SOX6: variants seen among roughly 807,000 people sequenced by gnomAD.
SOX6 encodes the protein transcription factor SOX-6.
SOX6 carries 11 observed loss-of-function variants against 97.8 expected under a neutral mutation model. The observed-to-expected ratio is 0.11, with a 90% CI of 0.07 to 0.19. SOX6 has a LOEUF of 0.19. SOX6 is among the 10% of genes least tolerant of loss of function. SOX6 has a pLI of 1.00. For missense variants in SOX6, 810 were observed against 1,039.5 expected, an observed-to-expected ratio of 0.78 and a Z score of 3.04; for synonymous variants, 360 against 371.4, an observed-to-expected ratio of 0.97 and a Z score of 0.35.
rs570454828 is a variant in SOX6 at position 16,466,999 on chromosome 11, C to G, written c.-5+9316G>C. Among the ~76,000 whole-genome samples, 10 of 148,498 alleles carry G rather than the reference C, an allele frequency of 6.7e-5. No homozygotes were observed. The South Asian group carries it at 1.9e-3, about 29-fold the overall frequency. On this transcript the variant is annotated intron_variant, in intron 1 of 15. Transcript: ENST00000396356. ...GCAAAGGACATGAACAGACACATCT[C>G]AAAAGAAAACGTACATGTGGCCAAC...
At chr11:16,413,512 CTTTT>C (rs752774148) in intron 1 of SOX6, among the ~76,000 whole-genome samples, 15 of 76,222 alleles carry the variant, frequency 2.0e-4, no homozygotes, top group African/African-American at 5.9e-4. Flanking sequence ...AAGACTTCTA[CTTTT>C]TTTTTTTTTT....
chr11:16,040,977 G>A (rs1373020265), intron 12 of SOX6, among the ~76,000 whole-genome samples: 1 of 152,072 alleles, frequency 6.6e-6, no homozygotes, highest in Non-Finnish European at 1.5e-5. Flanking sequence ...CTTTGCAAAT[G>A]AGAATTACAA....
chr11:16,562,618 C>T lies in SOX6; in HGVS notation n.609+49463G>A, dbSNP rs75510003. On this transcript the variant is annotated intron_variant and non_coding_transcript_variant, in intron 4 of 5. Coordinates refer to the SOX6 transcript ENST00000524520. ...TAATGAGGTACCCAATACCCACCCC[C>T]GGAAATGTCAAAGAAAACCAGGTAG... Among the ~76,000 whole-genome samples the T allele has an allele frequency of 8.5e-3, 1,301 of 152,206 alleles. 6 individuals carry two copies. Among genetic ancestry groups the T allele is most frequent in the Non-Finnish European group, 0.013 (908 of 67,986 alleles).
Position 16,212,092 on chromosome 11 carries a change from T to G in SOX6, c.535+22490A>C, listed in dbSNP as rs75463354. ...GGCTTTGGTACCCTCACCCATCCTG[T>G]GACAAGAAGTCAGAAAAAGGCCAAC... On this transcript the variant is annotated intron_variant, in intron 4 of 15. Transcript: ENST00000683767. Among the ~76,000 whole-genome samples, 66 of 152,276 alleles carry G rather than the reference T, an allele frequency of 4.3e-4. No individual in the cohort carries two copies. In the East Asian group the frequency reaches 9.8e-3, roughly 23 times the overall value.
chr11:16,514,771 C>T (rs537370265), intron 4 of SOX6, among the ~76,000 whole-genome samples: 7 of 146,664 alleles, frequency 4.8e-5, no homozygotes, highest in African/African-American at 1.8e-4. Flanking sequence ...TGTTCAATTG[C>T]CACCTATGAG....
In SOX6 at chr11:16,570,021, A is replaced by G. The variant is rs79879634; in HGVS notation, n.609+42060T>C. Among the ~76,000 whole-genome samples, 601 of 152,260 alleles carry G rather than the reference A, an allele frequency of 3.9e-3. 15 individuals carry two copies. In the East Asian group the frequency reaches 0.052, roughly 13 times the overall value. On this transcript the variant is annotated intron_variant and non_coding_transcript_variant, in intron 4 of 5. Coordinates refer to the SOX6 transcript ENST00000524520. ...ATGATATAAATTTGCAAACATAGCA[A>G]AGACAAAACTCACTCATTTTGAGAT...
intron 4 of SOX6, among the ~76,000 whole-genome samples, chr11:16,523,127 G>A (rs1445549003): frequency 6.6e-6 from 1 of 152,018 alleles, no homozygotes; most frequent in Non-Finnish European, 1.5e-5. Flanking sequence ...TGCACCAAGT[G>A]GACCTAATAG....
intron 12 of SOX6, among the ~76,000 whole-genome samples, chr11:16,044,969 T>G (rs1010563640): frequency 3.1e-5 from 3 of 96,152 alleles, no homozygotes; most frequent in African/African-American, 1.2e-4. Flanking sequence ...TCTATCTGTC[T>G]ATCTATCTAT....
intron 4 of SOX6, among the ~76,000 whole-genome samples, chr11:16,579,237 C>G (rs1460355235): frequency 6.6e-6 from 1 of 151,858 alleles, no homozygotes. Flanking sequence ...ATATTTTTCT[C>G]TTCTTTTAAA....
intron 4 of SOX6, among the ~76,000 whole-genome samples, chr11:16,189,505 T>C (rs1030350698): frequency 6.6e-6 from 1 of 151,974 alleles, no homozygotes; most frequent in Non-Finnish European, 1.5e-5. Context: ...TTAGTGAAAC[T>C]TGAGCAAGGA....
intron 1 of SOX6, among the ~76,000 whole-genome samples, chr11:16,342,611 A>C (rs764699037): frequency 1.2e-4 from 19 of 152,096 alleles, no homozygotes; most frequent in South Asian, 4.1e-4. Flanking sequence ...TATTGCAGTG[A>C]AGGAAATATC....
intron 4 of SOX6, among the ~76,000 whole-genome samples, chr11:16,188,242 A>AG (rs1357577349): frequency 1.8e-3 from 274 of 151,726 alleles, no homozygotes; most frequent in African/African-American, 6.4e-3. Context: ...AAAAAAAAAA[A>AG]AAAAGAAAAG....
At chr11:16,637,507 C>T (rs1200499901) in intron 3 of SOX6, among the ~76,000 whole-genome samples, 1 of 152,186 alleles carries the variant, frequency 6.6e-6, no homozygotes, top group Admixed American at 6.5e-5. Flanking sequence ...GCATGAGCCA[C>T]CACACCCAGC....
At chr11:16,283,965 G>A (rs1440553152) in intron 3 of SOX6, 3 of 379,510 alleles carry the variant, frequency 7.9e-6, no homozygotes, top group African/African-American at 2.2e-5. Context: ...ATTATGCACA[G>A]TTTCTAATAT....
chr11:16,337,953 T>C (rs1856513076), intron 2 of SOX6, among the ~76,000 whole-genome samples: 2 of 152,088 alleles, frequency 1.3e-5, no homozygotes, highest in Non-Finnish European at 2.9e-5. Context: ...TGGGAATTAG[T>C]AGAGCTTCTT....
At chr11:16,034,593 A>T (rs905976861) in intron 12 of SOX6, among the ~76,000 whole-genome samples, 3 of 152,222 alleles carry the variant, frequency 2.0e-5, no homozygotes, top group Non-Finnish European at 4.4e-5. Context: ...AAGTTTTCAC[A>T]TATACTCTCT....
intron 4 of SOX6, among the ~76,000 whole-genome samples, chr11:16,226,393 T>G (rs1852691635): frequency 6.6e-6 from 1 of 152,044 alleles, no homozygotes; most frequent in Non-Finnish European, 1.5e-5. Context: ...ACAAACAGTT[T>G]GTGCTAACTC....
At chr11:16,033,511 A>G (rs1855439129) in intron 12 of SOX6, among the ~76,000 whole-genome samples, 2 of 152,180 alleles carry the variant, frequency 1.3e-5, no homozygotes, top group Non-Finnish European at 2.9e-5. Context: ...ATGGCAATCA[A>G]ATTGGTGGTC....
intron 3 of SOX6, among the ~76,000 whole-genome samples, chr11:16,681,159 C>A (rs557063801): frequency 4.7e-4 from 71 of 152,288 alleles, no homozygotes; most frequent in Non-Finnish European, 9.4e-4. Flanking sequence ...AATATACATT[C>A]TTCTCAGCAC....
Sources: allele counts gnomAD v4.1 joint callset (sites outside exome capture counted in the v4.1 genomes callset), GRCh38; gene constraint gnomAD v4.1.1; transcripts MANE v1.5; gene names NCBI Gene and HGNC (gene_info 2026-07-23, HGNC 2026-07-21).